The following PCDHGB5 variants were observed in gnomAD, a reference collection of about 807,000 sequenced individuals.
PCDHGB5 encodes the protein protocadherin gamma-B5.
Under a neutral mutation model 62.9 loss-of-function variants are expected in PCDHGB5, and 48 were observed. The observed-to-expected ratio is 0.76, with a 90% confidence interval of 0.61 to 0.97. The LOEUF is 0.97. PCDHGB5 is among the 50% of genes least tolerant of loss of function. The pLI is 0.00. For synonymous variants in PCDHGB5, 474 were observed against 511.2 expected (o/e 0.93, Z 0.98); for missense variants, 1,118 against 1,198.6 (o/e 0.93, Z 0.99).
intron 1 of PCDHGB5, chr5:141,441,116 C>G (rs1358636787): frequency 3.3e-5 from 5 of 152,156 alleles, no homozygotes; most frequent in Non-Finnish European, 7.3e-5. Context: ...GTCCAGTGTA[C>G]AGTTGAGACC....
At chr5:141,430,716 G>T (rs1327065498) in intron 1 of PCDHGB5, 2 of 1,487,962 alleles carry the variant, frequency 1.3e-6, no homozygotes, top group African/African-American at 2.8e-5. Context: ...CCTGACTTCA[G>T]TGGTTAAGGG....
intron 1 of PCDHGB5, chr5:141,478,644 T>C (rs1217932733): frequency 6.4e-7 from 1 of 1,552,238 alleles, no homozygotes. Flanking sequence ...GATGAAGATG[T>C]TTTCCTGGTG....
intron 1 of PCDHGB5, among the ~76,000 whole-genome samples, chr5:141,459,098 A>G (rs993134478): frequency 2.0e-5 from 3 of 152,206 alleles, no homozygotes; most frequent in African/African-American, 7.2e-5. Flanking sequence ...ATACAGTGCA[A>G]TGCATTTTGA....
chr5:141,423,438 C>T lies in PCDHGB5; in HGVS notation c.2397+22914C>T, dbSNP rs2096741369. 5 of 1,613,942 alleles carry T rather than the reference C, an allele frequency of 3.1e-6. No homozygotes were observed. In the East Asian group the frequency reaches 8.9e-5, roughly 29 times the overall value. On this transcript the variant is annotated intron_variant, in intron 1 of 3. Transcript: ENST00000617380. Reference sequence around the variant, plus strand: ...CTGAAGGCGGGTTGGCAGGTATGCCCACGTCACATTTTGTAGGCGTGGACG... The same window carrying T: ...CTGAAGGCGGGTTGGCAGGTATGCCTACGTCACATTTTGTAGGCGTGGACG...
At chr5:141,465,522 G>A (rs1416012695) in intron 1 of PCDHGB5, among the ~76,000 whole-genome samples, 1 of 152,112 alleles carries the variant, frequency 6.6e-6, no homozygotes, top group Non-Finnish European at 1.5e-5. Context: ...AGGATTCTGG[G>A]GAAGTTTTCC....
rs779949817 is a variant in PCDHGB5 at position 141,487,266 on chromosome 5, T to G, written c.2398-7541T>G. The G allele has an allele frequency of 6.2e-7, 1 of 1,614,054 alleles. No individual in the cohort carries two copies. The highest frequency in any genetic ancestry group is 8.5e-7 in the Non-Finnish European group (1 of 1,180,044). On this transcript the variant is annotated intron_variant, in intron 1 of 3. Transcript: ENST00000617380. This position sits in a 1 kb window ranked among gnomAD's most constrained non-coding sequence, Gnocchi z 5.0. The stretch of plus-strand genomic sequence containing the variant: ...ACCCTCTACTTGGCTGTGTCCCTAG[T>G]GGCAATTTGCTTTGTCTCCTTTGGC...
intron 1 of PCDHGB5, among the ~76,000 whole-genome samples, chr5:141,463,944 T>C (rs1454454223): frequency 3.3e-5 from 5 of 152,158 alleles, no homozygotes; most frequent in African/African-American, 4.8e-5. Flanking sequence ...TTTATAGAAA[T>C]CTTCATTTTT....
chr5:141,445,576 G>A (rs1459010134), intron 1 of PCDHGB5, among the ~76,000 whole-genome samples: 1 of 152,158 alleles, frequency 6.6e-6, no homozygotes, highest in Non-Finnish European at 1.5e-5. Flanking sequence ...TTATAGTAGG[G>A]AAGCTTCGCC....
intron 1 of PCDHGB5, among the ~76,000 whole-genome samples, chr5:141,443,876 G>C (rs2098409251): frequency 6.6e-6 from 1 of 152,152 alleles, no homozygotes; most frequent in South Asian, 2.1e-4. Flanking sequence ...TTACTGATAA[G>C]TCAAGAGAAA....
In PCDHGB5 at chr5:141,431,553, A is replaced by G; in HGVS notation, c.2397+31029A>G. ...TTGGGCACGCAGCTGCTTGTAGTCA[A>G]CGCTACCGACCCTGACGAAGGAGTC... On this transcript the variant is annotated intron_variant, in intron 1 of 3. Transcript: ENST00000617380. The surrounding 1 kb of genome is among the most constrained non-coding windows in gnomAD (Gnocchi z 4.8). 1.2e-6 allele frequency: 2 copies of G among 1,614,112 alleles called. No individual in the cohort carries two copies. Among genetic ancestry groups the G allele is most frequent in the Non-Finnish European group, 1.7e-6 (2 of 1,180,020 alleles).
In PCDHGB5 at chr5:141,432,113, T is replaced by G. The variant is rs1174697940; in HGVS notation, c.2397+31589T>G. 1 of 1,614,078 alleles carries G rather than the reference T, an allele frequency of 6.2e-7. No homozygotes were observed. The highest frequency in any genetic ancestry group is 8.5e-7 in the Non-Finnish European group (1 of 1,180,006). On this transcript the variant is annotated intron_variant, in intron 1 of 3. Coordinates refer to ENST00000617380, the MANE Select transcript of PCDHGB5 (RefSeq NM_018925.3). The surrounding 1 kb of genome is among the most constrained non-coding windows in gnomAD (Gnocchi z 6.0). ...AGACACCAACGACAACCCGCCGGTC[T>G]TCCCTCAGGCCTCCTATTCCGCTTA... is the stretch of plus-strand genomic sequence containing the variant.
chr5:141,408,973 T>G lies in PCDHGB5; in HGVS notation c.2397+8449T>G, dbSNP rs754120948. 4.3e-5 allele frequency: 70 copies of G among 1,613,718 alleles called. No homozygotes were observed. In the Admixed American group the frequency reaches 6.5e-4, roughly 15 times the overall value. ...TTAGTCTTAGTGAAAATCTGCCCCC[T>G]GGGTCCCCTGTGTTGCAAGTGACAG... On this transcript the variant is annotated intron_variant, in intron 1 of 3. Transcript: ENST00000617380.
Position 141,491,680 on chromosome 5 carries a change from A to G in PCDHGB5, c.2398-3127A>G. The G allele has an allele frequency of 6.2e-7, 1 of 1,613,304 alleles. No individual in the cohort carries two copies. The highest frequency in any genetic ancestry group is 2.2e-5 in the East Asian group (1 of 44,820). ...TGACGCCATCCGGTCCCGCTCTAATACGCTGCGGGAGCGGAGCCAGGTGAG... is the reference window on the plus strand; with the variant it reads ...TGACGCCATCCGGTCCCGCTCTAATGCGCTGCGGGAGCGGAGCCAGGTGAG... On this transcript the variant is annotated intron_variant, in intron 1 of 3. Transcript: ENST00000617380. The surrounding 1 kb of genome is among the most constrained non-coding windows in gnomAD (Gnocchi z 6.9).
chr5:141,494,234 A>G (rs1299510042), intron 1 of PCDHGB5, among the ~76,000 whole-genome samples: 1 of 152,138 alleles, frequency 6.6e-6, no homozygotes, highest in Non-Finnish European at 1.5e-5. Context: ...CTAAATTAAT[A>G]ATGTATTTAG....
Position 141,398,838 on chromosome 5 carries a change from T to C in PCDHGB5, c.711T>C (p.Asp237=). Residue 237 remains aspartate (D), a synonymous_variant, in exon 1 of 4, where the codon GAT becomes GAC. Coordinates refer to ENST00000617380, the MANE Select transcript of PCDHGB5 (RefSeq NM_018925.3). ...ELRIQVTDAN[D]NPPVFNRDVY... ...GGATCCAGGTAACCGACGCCAATGATAATCCCCCGGTATTCAACCGAGACG... is the reference window on the plus strand; with the variant it reads ...GGATCCAGGTAACCGACGCCAATGACAATCCCCCGGTATTCAACCGAGACG... The C allele has an allele frequency of 6.2e-7, 1 of 1,613,946 alleles. No individual in the cohort carries two copies. Among genetic ancestry groups the C allele is most frequent in the Non-Finnish European group, 8.5e-7 (1 of 1,179,894 alleles).
In PCDHGB5 at chr5:141,485,944, G is replaced by A; in HGVS notation, c.2398-8863G>A. 1.2e-6 allele frequency: 2 copies of A among 1,614,116 alleles called. No homozygotes were observed. The highest frequency in any genetic ancestry group is 1.7e-6 in the Non-Finnish European group (2 of 1,180,020). ...TTAGTGTGTTGGAGAGCGCACCAGC[G>A]GGCATGGTGCTCATCCAGCTCAATG... On this transcript the variant is annotated intron_variant, in intron 1 of 3. Coordinates refer to ENST00000617380, the MANE Select transcript of PCDHGB5 (RefSeq NM_018925.3). This position sits in a 1 kb window ranked among gnomAD's most constrained non-coding sequence, Gnocchi z 5.7.
intron 1 of PCDHGB5, among the ~76,000 whole-genome samples, chr5:141,474,266 G>A (rs1420620306): frequency 6.6e-6 from 1 of 152,186 alleles, no homozygotes; most frequent in Non-Finnish European, 1.5e-5. Context: ...ATAAACCAGT[G>A]TATCTCTGAA....
At position 141,491,137 on chromosome 5, in the gene PCDHGB5, GC is replaced by G. The variant is rs1373404184; in HGVS notation, c.2398-3668del. ...CACTGGTGAGGTGCGCACAGCCCGG[GC>G]CTTACTGGAGGATGACTCTGACACC... On this transcript the variant is annotated intron_variant, in intron 1 of 3. Transcript: ENST00000617380. This position sits in a 1 kb window ranked among gnomAD's most constrained non-coding sequence, Gnocchi z 6.9. The G allele has an allele frequency of 1.2e-6, 2 of 1,614,156 alleles. No individual in the cohort carries two copies. Among genetic ancestry groups the G allele is most frequent in the Non-Finnish European group, 1.7e-6 (2 of 1,180,008 alleles).
At chr5:141,404,080 C>T (rs369802030) in intron 1 of PCDHGB5, 6 of 1,613,516 alleles carry the variant, frequency 3.7e-6, no homozygotes, top group Non-Finnish European at 4.2e-6. Context: ...ACCGAGACTC[C>T]GGGAAGAATG....
Sources: gnomAD v4.1 joint callset for allele counts (sites outside exome capture counted in the v4.1 genomes callset) on GRCh38, gnomAD v4.1.1 for gene constraint, Gnocchi (gnomAD v3.1) non-coding constraint, MANE v1.5 for transcripts, NCBI Gene and HGNC (gene_info 2026-07-23, HGNC 2026-07-21) for gene names.